Variants in KATNBL1 observed in about 807,000 individuals in gnomAD.
KATNBL1 encodes katanin regulatory subunit B1 like 1.
A neutral mutation model predicts 44.7 loss-of-function variants in KATNBL1; 28 were observed. The observed-to-expected ratio is 0.63, with a 90% confidence interval of 0.46 to 0.86. The LOEUF is 0.86. KATNBL1 is among the 40% of genes least tolerant of loss of function. The pLI, the probability that KATNBL1 is intolerant of heterozygous loss-of-function variation, is 0.00. For synonymous variants in KATNBL1, 78 were observed against 114.9 expected (o/e 0.68, Z 2.06); for missense variants, 272 against 350.7 (o/e 0.78, Z 1.79).
intron 1 of KATNBL1, among the ~76,000 whole-genome samples, chr15:34,171,960 A>C (rs1380470278): frequency 6.6e-6 from 1 of 151,862 alleles, no homozygotes; most frequent in Non-Finnish European, 1.5e-5. Flanking sequence ...GGGGAGGGAC[A>C]GCATTAGAAA....
rs201524096 is a variant in KATNBL1, at chr15:34,163,593, C to G, written c.84G>C (p.Lys28Asn). The G allele has an allele frequency of 1.5e-4, 237 of 1,596,226 alleles. No homozygotes were observed. Among genetic ancestry groups the G allele is most frequent in the Non-Finnish European group, 1.8e-4 (214 of 1,175,616 alleles). Residue 28 changes from lysine to asparagine, a missense_variant, in exon 2 of 10, where the codon AAG becomes AAC. By Grantham distance (94) the Lys-to-Asn change is moderately conservative. Around this residue, in one of 3 missense-constraint regions of KATNBL1, gnomAD observed 122 missense variants for 125.0 expected, o/e 0.98. Transcript: ENST00000256544. ...TGTTCTTATTAGTGAAATTAGAGAT[C>G]TTTTTTCTAGGAAGATCAATGAAAT... is the stretch of plus-strand genomic sequence containing the variant. ...EDHFIDLPRK[K>N]ISNFTNKNMK... is the part of the protein sequence containing the mutation.
intron 3 of KATNBL1, 40 bp from the exon 4 acceptor site, chr15:34,153,109 T>C: frequency 1.4e-6 from 2 of 1,464,786 alleles, no homozygotes; most frequent in Non-Finnish European, 1.9e-6. Flanking sequence ...AAAAGAACCA[T>C]ATGAAATCCT....
chr15:34,209,831 G>A (rs1199320309), intron 1 of KATNBL1, 120 bp downstream of exon 1: 2 of 148,592 alleles, frequency 1.3e-5, no homozygotes, highest in Non-Finnish European at 3.0e-5. Flanking sequence ...GCCCGGCCGA[G>A]CCGAGGCCGC....
intron 2 of KATNBL1, among the ~76,000 whole-genome samples, chr15:34,162,337 A>G (rs568432522): frequency 1.6e-4 from 24 of 152,230 alleles, no homozygotes; most frequent in Admixed American, 8.5e-4. Flanking sequence ...AACCCCTTTC[A>G]ATTGGTTCTC....
chr15:34,171,147 C>T (rs936577381), intron 1 of KATNBL1, among the ~76,000 whole-genome samples: 1 of 152,166 alleles, frequency 6.6e-6, no homozygotes, highest in African/African-American at 2.4e-5. Context: ...AGTGAACAGG[C>T]AGCCTATAGA....
intron 1 of KATNBL1, among the ~76,000 whole-genome samples, chr15:34,204,209 C>G (rs1890238168): frequency 6.6e-6 from 1 of 152,062 alleles, no homozygotes; most frequent in African/African-American, 2.4e-5. Flanking sequence ...AAATAAACCT[C>G]TGAAATAAGC....
At chr15:34,172,893 C>T (rs1365442573) in intron 1 of KATNBL1, among the ~76,000 whole-genome samples, 1 of 151,896 alleles carries the variant, frequency 6.6e-6, no homozygotes, top group Admixed American at 6.6e-5. Context: ...ACTAATAGAG[C>T]TATACACTAA....
intron 1 of KATNBL1, among the ~76,000 whole-genome samples, chr15:34,166,409 T>G (rs1442426964): frequency 6.6e-6 from 1 of 152,150 alleles, no homozygotes; most frequent in Non-Finnish European, 1.5e-5. Flanking sequence ...TGCTGAGGCT[T>G]GAGTAGGTAA....
intron 1 of KATNBL1, among the ~76,000 whole-genome samples, chr15:34,178,755 C>CCAA (rs766408641): frequency 1.1e-4 from 13 of 122,692 alleles, no homozygotes; most frequent in African/African-American, 4.4e-4. Flanking sequence ...GACTCTGTCT[C>CCAA]AAAAAAAAAA....
At chr15:34,192,679 C>G (rs34187931) in intron 1 of KATNBL1, among the ~76,000 whole-genome samples, 15,697 of 152,112 alleles carry the variant, frequency 0.1, 1,101 homozygotes, top group East Asian at 0.26. Context: ...AGAAAGACTA[C>G]GTGCTGTCCC....
intron 2 of KATNBL1, among the ~76,000 whole-genome samples, chr15:34,155,682 C>A (rs914554615): frequency 6.6e-6 from 1 of 152,198 alleles, no homozygotes; most frequent in Non-Finnish European, 1.5e-5. Flanking sequence ...CTGCTAAAAT[C>A]ATGTCTAAGG....
intron 1 of KATNBL1, among the ~76,000 whole-genome samples, chr15:34,190,518 T>G (rs1465468451): frequency 6.6e-6 from 1 of 152,208 alleles, no homozygotes; most frequent in South Asian, 2.1e-4. Context: ...GTAAAACTCT[T>G]GTATACTCAA....
Position 34,145,446 on chromosome 15 carries a change from C to A in KATNBL1, c.834G>T (p.Gln278His). ...CTGGAACCAAAGTAAGATGGTTTTC[C>A]TGTTCCCATAATCCACTTAATTGTT... is the stretch of plus-strand genomic sequence containing the variant. ...LKQQLSGLWE[Q>H]ENHLTLVPGY... Residue 278 changes from glutamine to histidine, a missense_variant, in exon 9 of 10, where the codon CAG becomes CAT. Coordinates refer to ENST00000256544, the MANE Select transcript of KATNBL1 (RefSeq NM_024713.3). 1 of 1,468,594 alleles carries A rather than the reference C, an allele frequency of 6.8e-7. No individual in the cohort carries two copies. The highest frequency in any genetic ancestry group is 9.0e-7 in the Non-Finnish European group (1 of 1,115,580). The allele number at this position is 1,468,594 out of a possible 1,614,324, so 91.0% of individuals were successfully genotyped here.
At position 34,147,212 on chromosome 15, in the gene KATNBL1, CTT is replaced by C; in HGVS notation, c.684_685del (p.Ser229GlnfsTer3). The C allele has an allele frequency of 6.2e-7, 1 of 1,602,442 alleles. No homozygotes were observed. The highest frequency in any genetic ancestry group is 8.5e-7 in the Non-Finnish European group (1 of 1,171,054). On this transcript the variant is annotated frameshift_variant, in exon 7 of 10. Transcript: ENST00000256544. LOFTEE classifies it high-confidence loss of function. ...GATTAGCACTTACTCTTCAAATTTG[CTT>C]TTAAGTAGTGACTTTACTAGAGGCA...
chr15:34,195,690 C>CAAAAGAAAAAAAAAAA (rs1890010593), intron 1 of KATNBL1, among the ~76,000 whole-genome samples: 1 of 111,442 alleles, frequency 9.0e-6, no homozygotes, highest in African/African-American at 3.7e-5. Flanking sequence ...GACGCCATCT[C>CAAAAGAAAAAAAAAAA]AAAAAAAAAA....
intron 1 of KATNBL1, among the ~76,000 whole-genome samples, chr15:34,170,594 G>A: frequency 6.6e-6 from 1 of 152,088 alleles, no homozygotes; most frequent in East Asian, 1.9e-4. Context: ...CTACTTTAAA[G>A]TTCATATGGA....
At chr15:34,202,023 A>T (rs937125817) in intron 1 of KATNBL1, among the ~76,000 whole-genome samples, 1 of 152,236 alleles carries the variant, frequency 6.6e-6, no homozygotes, top group Admixed American at 6.5e-5. Flanking sequence ...ACACCACTTT[A>T]TATCAGGGAT....
intron 1 of KATNBL1, among the ~76,000 whole-genome samples, chr15:34,170,426 T>C (rs1297925188): frequency 6.6e-6 from 1 of 152,032 alleles, no homozygotes; most frequent in African/African-American, 2.4e-5. Context: ...CACTGCTCAA[T>C]GAAATGAAAG....
In KATNBL1 at chr15:34,204,951, T is replaced by C. The variant is rs185386099; in HGVS notation, c.-15+5000A>G. Among the ~76,000 whole-genome samples the C allele has an allele frequency of 2.2e-3, 338 of 152,154 alleles. 8 individuals carry two copies. The highest frequency in any genetic ancestry group is 0.02 in the Admixed American group (313 of 15,270). On this transcript the variant is annotated intron_variant, in intron 1 of 9. Transcript: ENST00000256544. Reference sequence around the variant, plus strand: ...GAAAAAACTATTCTTGACGATTATTTATATGGCAGTTGTGGAACAGGAAGG... The same window carrying C: ...GAAAAAACTATTCTTGACGATTATTCATATGGCAGTTGTGGAACAGGAAGG...
Sources: gnomAD v4.1 joint callset for allele counts (sites outside exome capture counted in the v4.1 genomes callset) on GRCh38, gnomAD v4.1.1 for gene constraint, gnomAD v4.1.1 regional missense constraint, MANE v1.5 for transcripts, NCBI Gene and HGNC (gene_info 2026-07-23, HGNC 2026-07-21) for gene names.